ALG12: variants seen among roughly 807,000 people sequenced by gnomAD.
ALG12 encodes dol-P-Man:Man(7)GlcNAc(2)-PP-Dol alpha-1,6-mannosyltransferase.
In ALG12, 36 loss-of-function variants were observed where a neutral mutation model predicts 46.0. The ratio of observed to expected loss-of-function variants is 0.78; its 90% confidence interval spans 0.60 to 1.03. The LOEUF (loss-of-function observed/expected upper bound fraction) is 1.03, where lower values mean the gene tolerates loss of function less well. Among genes scored for constraint, ALG12 ranks in the 50% least tolerant of loss-of-function variants. The probability of loss-of-function intolerance (pLI) is 0.00; values close to 1 mark genes in which losing one functional copy is unlikely to be tolerated. For synonymous variants in ALG12, 326 were observed against 291.6 expected (o/e 1.12, Z -1.20); for missense variants, 599 against 633.5 (o/e 0.95, Z 0.58).
At position 49,909,473 on chromosome 22, in the gene ALG12, G is replaced by A. The variant is rs552987181; in HGVS notation, c.665-126C>T. 5.1e-6 allele frequency: 5 copies of A among 986,180 alleles called. No homozygotes were observed. The South Asian group carries it at 5.5e-5, about 11-fold the overall frequency. The allele number at this position is 986,180 out of a possible 1,614,324, so 61.1% of individuals were successfully genotyped here. ...CATATAAAAGAGGTTGGGCAGGGTG[G>A]GAAGATTGCTGGAGCCTAGGAGTTC... On this transcript the variant is annotated intron_variant, in intron 5 of 9. Coordinates refer to ENST00000330817, the MANE Select transcript of ALG12 (RefSeq NM_024105.4).
the ALG12 span, among the ~76,000 whole-genome samples, chr22:49,875,072 T>C: frequency 5.5e-4 from 84 of 152,220 alleles, no homozygotes; most frequent in Non-Finnish European, 1.2e-3. Context: ...TAATTTAATT[T>C]GTTACAGTTT....
chr22:49,873,699 T>C, the ALG12 span, among the ~76,000 whole-genome samples: 3 of 151,818 alleles, frequency 2.0e-5, no homozygotes, highest in Non-Finnish European at 4.4e-5. Context: ...TGAGGTGATA[T>C]GAGGTATTGG....
rs756059202 is a variant in ALG12, at chr22:49,907,830, C to A, written c.883G>T (p.Ala295Ser). 6.2e-7 allele frequency: 1 copy of A among 1,614,088 alleles called. No individual in the cohort carries two copies. Among genetic ancestry groups the A allele is most frequent in the East Asian group, 2.2e-5 (1 of 44,876 alleles). Residue 295 changes from alanine (A) to serine (S), a missense_variant, in exon 7 of 10, where the codon GCA becomes TCA. By Grantham distance (99) the Ala-to-Ser change is moderately conservative (BLOSUM62 1). Coordinates refer to ENST00000330817, the MANE Select transcript of ALG12 (RefSeq NM_024105.4). ...GAGTAGAGTGCCATGAAGCCCAGTGCCAGCACCGTCGGCGCGTGCGTCCTT... is the reference window on the plus strand; with the variant it reads ...GAGTAGAGTGCCATGAAGCCCAGTGACAGCACCGTCGGCGCGTGCGTCCTT... ...DRRTHAPTVL[A>S]LGFMALYSLL...
chr22:49,886,281 G>A, the ALG12 span: 2 of 1,412,192 alleles, frequency 1.4e-6, no homozygotes, highest in African/African-American at 1.4e-5. The surrounding 1 kb of genome is among the most constrained non-coding windows in gnomAD (Gnocchi z 7.7). Context: ...TGGCCGAGCT[G>A]CAGAGGGAGT....
At chr22:49,885,594 C>T in the ALG12 span, 1 of 1,607,746 alleles carries the variant, frequency 6.2e-7, no homozygotes, top group African/African-American at 1.3e-5. Flanking sequence ...TTGATGACAC[C>T]AATGAGAAGT....
intron 4 of ALG12, 65 bp from the exon 5 acceptor site, chr22:49,910,153 G>C: frequency 1.3e-6 from 2 of 1,486,012 alleles, no homozygotes; most frequent in Non-Finnish European, 1.8e-6. Context: ...AAAACACCCG[G>C]GGAAGTGAAG....
At chr22:49,860,280 C>CA in the ALG12 span, among the ~76,000 whole-genome samples, 1 of 152,248 alleles carries the variant, frequency 6.6e-6, no homozygotes, top group Non-Finnish European at 1.5e-5. Context: ...GCCTGGGCGA[C>CA]AGAGTGAGAC....
In ALG12 at chr22:49,910,680, T is replaced by C. The variant is rs377623205; in HGVS notation, c.296-73A>G. On this transcript the variant is annotated intron_variant, in intron 3 of 9. Transcript: ENST00000330817. ...CAGTGGGGCCCCCTACGTGGGTCCT[T>C]CTACACAGATCTTTCTATATGGAGT... is the stretch of plus-strand genomic sequence containing the variant. The C allele has an allele frequency of 1.8e-5, 28 of 1,533,056 alleles. No individual in the cohort carries two copies. The East Asian group carries it at 2.7e-4, about 15-fold the overall frequency. The allele number at this position is 1,533,056 out of a possible 1,614,324, so 95.0% of individuals were successfully genotyped here.
the ALG12 span, among the ~76,000 whole-genome samples, chr22:49,871,357 G>C: frequency 1.3e-5 from 2 of 152,006 alleles, no homozygotes; most frequent in Non-Finnish European, 2.9e-5. Flanking sequence ...GTGGTGGCAC[G>C]CACCTGTAAT....
At position 49,902,544 on chromosome 22, in the gene ALG12, A is replaced by ATT. The variant is rs1485066287; in HGVS notation, c.*1293_*1294insAA. 18 of 89,278 alleles carry ATT rather than the reference A, an allele frequency of 2.0e-4. 5 individuals are homozygous for ATT. The highest frequency in any genetic ancestry group is 1.0e-3 in the African/African-American group (12 of 11,588). The allele number at this position is 89,278 out of a possible 1,614,324, so 5.5% of individuals were successfully genotyped here. A position where few individuals can be genotyped will look rare whatever the true frequency, so the allele number is the denominator to read the frequency against. On this transcript the variant is annotated 3_prime_UTR_variant, in exon 10 of 10. Coordinates refer to ENST00000330817, the MANE Select transcript of ALG12 (RefSeq NM_024105.4). The stretch of plus-strand genomic sequence containing the variant: ...TATGCATGGTAATGTGCACGCGTGC[A>ATT]CTGTGTGTATGCATGGTAATGTGCA...
intron 5 of ALG12, 151 bp from the exon 6 acceptor site, chr22:49,909,498 C>T: frequency 1.2e-6 from 1 of 807,968 alleles, no homozygotes; most frequent in Non-Finnish European, 2.1e-6. Context: ...CCTAGGAGTT[C>T]AAGGTTGCAG....
chr22:49,875,074 T>C, the ALG12 span, among the ~76,000 whole-genome samples: 3 of 152,238 alleles, frequency 2.0e-5, no homozygotes, highest in African/African-American at 7.2e-5. Flanking sequence ...ATTTAATTTG[T>C]TACAGTTTTG....
the ALG12 span, among the ~76,000 whole-genome samples, chr22:49,892,969 A>G: frequency 2.0e-5 from 3 of 152,206 alleles, no homozygotes; most frequent in African/African-American, 4.8e-5. Context: ...TATACATTCA[A>G]TAATATGGAT....
At chr22:49,893,708 A>C in the ALG12 span, among the ~76,000 whole-genome samples, 28 of 152,252 alleles carry the variant, frequency 1.8e-4, no homozygotes, top group African/African-American at 6.3e-4. Flanking sequence ...AATACTCCTG[A>C]AAGGAGCAGA....
chr22:49,909,465 G>T, intron 5 of ALG12, 118 bp from the exon 6 acceptor site: 1 of 1,082,760 alleles, frequency 9.2e-7, no homozygotes, highest in Non-Finnish European at 1.4e-6. Context: ...AAGAGGTTGG[G>T]CAGGGTGGGA....
At chr22:49,886,110 G>A in the ALG12 span, 6 of 681,616 alleles carry the variant, frequency 8.8e-6, no homozygotes, top group Non-Finnish European at 1.6e-5. The surrounding 1 kb of genome is among the most constrained non-coding windows in gnomAD (Gnocchi z 7.7). Context: ...TCGGGAAGAC[G>A]CTGAACGAGG....
rs760147302 is a variant in ALG12, at chr22:49,903,562, A to C, written c.*276T>G. The C allele has an allele frequency of 2.7e-5, 17 of 633,334 alleles. No individual in the cohort carries two copies. The highest frequency in any genetic ancestry group is 2.5e-4 in the Middle Eastern group (1 of 4,038). 39.2% of individuals were successfully genotyped at this position (633,334 alleles called of 1,614,324 possible). A position where few individuals can be genotyped will look rare whatever the true frequency, so the allele number is the denominator to read the frequency against. On this transcript the variant is annotated 3_prime_UTR_variant, in exon 10 of 10. Transcript: ENST00000330817. ...ATGAATGGCACCTGGTCTGGGCGAC[A>C]GTCACCCGCAGGAAGCCCTGAGCTG...
chr22:49,878,726 A>C, the ALG12 span, among the ~76,000 whole-genome samples: 1 of 152,202 alleles, frequency 6.6e-6, no homozygotes, highest in Non-Finnish European at 1.5e-5. Context: ...GTAAAAACTT[A>C]TGCTCTTCAA....
At chr22:49,864,566 C>T in the ALG12 span, among the ~76,000 whole-genome samples, 1 of 152,190 alleles carries the variant, frequency 6.6e-6, no homozygotes, top group Non-Finnish European at 1.5e-5. Flanking sequence ...CCTATAATCC[C>T]AGCACTTTGG....
Sources: allele counts gnomAD v4.1 joint callset (sites outside exome capture counted in the v4.1 genomes callset), GRCh38; gene constraint gnomAD v4.1.1; non-coding constraint Gnocchi (gnomAD v3.1); transcripts MANE v1.5; gene names NCBI Gene and HGNC (gene_info 2026-07-23, HGNC 2026-07-21).